Variants in ZNF385D observed in about 807,000 individuals in gnomAD.
ZNF385D encodes the protein zinc finger protein 385D.
A neutral mutation model predicts 35.8 loss-of-function variants in ZNF385D; 15 were observed. The ratio of observed to expected loss-of-function variants is 0.42; its 90% CI spans 0.28 to 0.64. The LOEUF (loss-of-function observed/expected upper bound fraction) is 0.64. ZNF385D is among the 30% of genes least tolerant of loss of function. The pLI is 0.23. For synonymous variants in ZNF385D, 212 were observed against 186.8 expected (o/e 1.13, Z -1.10); for missense variants, 474 against 494.6 (o/e 0.96, Z 0.39).
At chr3:21,681,635 G>A (rs1269184730) in intron 1 of ZNF385D, among the ~76,000 whole-genome samples, 2 of 136,050 alleles carry the variant, frequency 1.5e-5, no homozygotes, top group African/African-American at 5.5e-5. Context: ...CATATATTTG[G>A]AACACAAATG....
chr3:22,299,201 G>T (rs562088446), intron 2 of ZNF385D, among the ~76,000 whole-genome samples: 27 of 151,704 alleles, frequency 1.8e-4, no homozygotes, highest in Non-Finnish European at 3.7e-4. Context: ...GGTTTGCTAT[G>T]GAAATGACTA....
At chr3:21,921,148 G>A (rs926053317) in intron 3 of ZNF385D, among the ~76,000 whole-genome samples, 4 of 149,710 alleles carry the variant, frequency 2.7e-5, no homozygotes, top group Admixed American at 1.3e-4. Context: ...GTGTGAACCC[G>A]GGAGGCGGAG....
intron 3 of ZNF385D, among the ~76,000 whole-genome samples, chr3:21,803,292 A>G (rs2072492975): frequency 6.6e-6 from 1 of 152,174 alleles, no homozygotes; most frequent in Non-Finnish European, 1.5e-5. Flanking sequence ...AGAAGACAGC[A>G]TTTGGGTGGA....
In ZNF385D at chr3:22,096,741, G is replaced by C. The variant is rs115863314; in HGVS notation, c.325+72076C>G. 5.3e-3 allele frequency among the ~76,000 whole-genome samples: 806 copies of C among 152,084 alleles called. 4 individuals carry two copies. The highest frequency in any genetic ancestry group is 8.8e-3 in the Non-Finnish European group (595 of 67,958). ...TCCCCACGCTGTTCTATGTGTCATGGCACATGAAACAGGATGGGTTAACTA... is the reference window on the plus strand; with the variant it reads ...TCCCCACGCTGTTCTATGTGTCATGCCACATGAAACAGGATGGGTTAACTA... On this transcript the variant is annotated intron_variant, in intron 3 of 5. Coordinates refer to the ZNF385D transcript ENST00000494108.
chr3:21,771,145 C>T (rs188417506), intron 3 of ZNF385D, among the ~76,000 whole-genome samples: 12 of 151,358 alleles, frequency 7.9e-5, no homozygotes, highest in East Asian at 3.9e-4. Flanking sequence ...ATGTAAATGA[C>T]GAGTTAATGG....
At chr3:22,063,443 C>T (rs1360784081) in intron 3 of ZNF385D, among the ~76,000 whole-genome samples, 1 of 152,052 alleles carries the variant, frequency 6.6e-6, no homozygotes, top group Non-Finnish European at 1.5e-5. Flanking sequence ...ATTTCATCTG[C>T]AAGCAATTTA....
At chr3:22,369,292 C>A (rs1246412281) in intron 2 of ZNF385D, among the ~76,000 whole-genome samples, 2 of 152,004 alleles carry the variant, frequency 1.3e-5, no homozygotes, top group African/African-American at 4.8e-5. Context: ...GAATATGAAA[C>A]AAACATTTTT....
intron 2 of ZNF385D, among the ~76,000 whole-genome samples, chr3:21,573,200 A>G (rs748165534): frequency 1.3e-4 from 20 of 152,332 alleles, no homozygotes; most frequent in Non-Finnish European, 2.5e-4. Context: ...GGTTCTCTAG[A>G]TATACAGAGG....
chr3:21,746,856 T>C (rs1452525012), intron 1 of ZNF385D, among the ~76,000 whole-genome samples: 2 of 152,114 alleles, frequency 1.3e-5, no homozygotes, highest in East Asian at 3.9e-4. Context: ...CATTTAAATA[T>C]TTTTCTAACA....
intron 4 of ZNF385D, among the ~76,000 whole-genome samples, chr3:21,460,859 C>T (rs1189900335): frequency 6.6e-6 from 1 of 152,142 alleles, no homozygotes; most frequent in Non-Finnish European, 1.5e-5. Flanking sequence ...ACTCAAGTCT[C>T]AGCTTTCTCT....
intron 2 of ZNF385D, among the ~76,000 whole-genome samples, chr3:22,303,962 G>C (rs749244498): frequency 6.6e-6 from 1 of 152,058 alleles, no homozygotes. Flanking sequence ...ATTTTTAGTA[G>C]AGACAGGGTT....
At chr3:21,887,897 A>G (rs1163442606) in intron 3 of ZNF385D, among the ~76,000 whole-genome samples, 1 of 152,162 alleles carries the variant, frequency 6.6e-6, no homozygotes, top group East Asian at 1.9e-4. Flanking sequence ...TCTGAATTGT[A>G]ACAGAAGGTT....
chr3:21,423,841 C>T, intron 7 of ZNF385D, 122 bp downstream of exon 7: 4 of 843,336 alleles, frequency 4.7e-6, no homozygotes, highest in Non-Finnish European at 7.3e-6. Flanking sequence ...TAAATCTGAA[C>T]TCAACTCAAA....
chr3:22,289,358 A>G (rs1702181057), intron 2 of ZNF385D, among the ~76,000 whole-genome samples: 2 of 152,192 alleles, frequency 1.3e-5, no homozygotes, highest in African/African-American at 4.8e-5. Flanking sequence ...TGCTTGGTAC[A>G]TAGAAAAATT....
intron 3 of ZNF385D, among the ~76,000 whole-genome samples, chr3:22,074,691 T>G (rs1273966816): frequency 1.3e-5 from 2 of 151,924 alleles, no homozygotes; most frequent in Non-Finnish European, 1.5e-5. Context: ...GAGGGGTCAT[T>G]TGATAACCTC....
At chr3:21,764,867 C>T (rs2125594435) in intron 3 of ZNF385D, among the ~76,000 whole-genome samples, 1 of 152,188 alleles carries the variant, frequency 6.6e-6, no homozygotes, top group Middle Eastern at 3.4e-3. Flanking sequence ...ACATTTCTGG[C>T]TCCCAAGCTT....
intron 2 of ZNF385D, among the ~76,000 whole-genome samples, chr3:21,626,981 T>C (rs2125826232): frequency 6.6e-6 from 1 of 152,000 alleles, no homozygotes; most frequent in African/African-American, 2.4e-5. Context: ...ATTTGGTGCC[T>C]ATCAATGATG....
At chr3:22,147,294 G>C (rs756916069) in intron 3 of ZNF385D, among the ~76,000 whole-genome samples, 1 of 152,124 alleles carries the variant, frequency 6.6e-6, no homozygotes, top group South Asian at 2.1e-4. Flanking sequence ...TTTATAGGAG[G>C]TTTGTGGGGG....
intron 2 of ZNF385D, among the ~76,000 whole-genome samples, chr3:22,362,722 C>T (rs1280793707): frequency 6.6e-6 from 1 of 151,958 alleles, no homozygotes; most frequent in Non-Finnish European, 1.5e-5. Flanking sequence ...ATTTATAAAA[C>T]TCAATGAATT....
Sources: gnomAD v4.1 joint callset for allele counts (sites outside exome capture counted in the v4.1 genomes callset) on GRCh38, gnomAD v4.1.1 for gene constraint, MANE v1.5 for transcripts, NCBI Gene and HGNC (gene_info 2026-07-23, HGNC 2026-07-21) for gene names.